Variants in SEMA6D observed in about 807,000 individuals in gnomAD.
SEMA6D encodes semaphorin-6D.
Under a neutral mutation model 106.6 loss-of-function variants are expected in SEMA6D, and 35 were observed. The observed-to-expected ratio is 0.33, with a 90% CI of 0.25 to 0.44. The LOEUF (loss-of-function observed/expected upper bound fraction) is 0.44, where lower values mean the gene tolerates loss of function less well. Among genes scored for constraint, SEMA6D ranks in the 20% least tolerant of loss-of-function variants. SEMA6D has a pLI of 1.00. For synonymous variants in SEMA6D, 499 were observed against 487.7 expected (o/e 1.02, Z -0.31); for missense variants, 1,185 against 1,345.9 (o/e 0.88, Z 1.87).
At chr15:47,241,932 C>G (rs146603367) in intron 1 of SEMA6D, among the ~76,000 whole-genome samples, 17 of 152,152 alleles carry the variant, frequency 1.1e-4, no homozygotes, top group African/African-American at 4.1e-4. Context: ...AGTTTCCTGG[C>G]AGAGTCAGGA....
At chr15:47,470,267 C>G (rs1010504713) in intron 2 of SEMA6D, among the ~76,000 whole-genome samples, 1 of 152,094 alleles carries the variant, frequency 6.6e-6, no homozygotes, top group Non-Finnish European at 1.5e-5. Context: ...TTTTGTCAGG[C>G]CCTGGTCAGC....
At chr15:47,230,360 G>C (rs1038498043) in intron 1 of SEMA6D, among the ~76,000 whole-genome samples, 2 of 151,902 alleles carry the variant, frequency 1.3e-5, no homozygotes, top group African/African-American at 4.8e-5. Flanking sequence ...GATTTCCATG[G>C]TTACATATAA....
chr15:47,758,000 T>C (rs778706986), intron 1 of SEMA6D, among the ~76,000 whole-genome samples: 7 of 152,196 alleles, frequency 4.6e-5, no homozygotes, highest in Non-Finnish European at 1.0e-4. Flanking sequence ...TGTGGTATAA[T>C]TTCATCCATG....
At chr15:47,663,281 G>A (rs188563529) in intron 4 of SEMA6D, among the ~76,000 whole-genome samples, 80 of 152,154 alleles carry the variant, frequency 5.3e-4, no homozygotes, top group Non-Finnish European at 8.7e-4. Flanking sequence ...AAAAGGCTAA[G>A]TGTGTTCAGT....
intron 4 of SEMA6D, among the ~76,000 whole-genome samples, chr15:47,704,099 G>A (rs1259131211): frequency 6.6e-6 from 1 of 152,046 alleles, no homozygotes; most frequent in Admixed American, 6.6e-5. Flanking sequence ...CATGAAATAA[G>A]CTCTTCTATG....
intron 1 of SEMA6D, among the ~76,000 whole-genome samples, chr15:47,202,342 T>A (rs1208486138): frequency 6.6e-6 from 1 of 151,862 alleles, no homozygotes; most frequent in East Asian, 1.9e-4. Context: ...ATCTCAGGAG[T>A]TGGGCGGGTG....
chr15:47,651,439 G>C (rs1230973201), intron 4 of SEMA6D, among the ~76,000 whole-genome samples: 1 of 152,094 alleles, frequency 6.6e-6, no homozygotes, highest in East Asian at 1.9e-4. Context: ...GTTAGTACAG[G>C]CAACATAAAT....
chr15:47,495,667 T>G (rs1038675357), intron 3 of SEMA6D, among the ~76,000 whole-genome samples: 7 of 152,098 alleles, frequency 4.6e-5, no homozygotes, highest in African/African-American at 1.7e-4. Flanking sequence ...GGAACTGTCT[T>G]CTAGCCTGGT....
rs2033309828 is a variant in SEMA6D, at chr15:47,248,252, C to CA, written c.-239+63841dup. Reference sequence around the variant, plus strand: ...ATTCTAAGCTTTATCAACTTAGAAGCAAAAAAATTAAAAACTATTCAGGAA... The same window carrying CA: ...ATTCTAAGCTTTATCAACTTAGAAGCAAAAAAAATTAAAAACTATTCAGGAA... On this transcript the variant is annotated intron_variant, in intron 1 of 19. Transcript: ENST00000558014. 3.3e-5 allele frequency among the ~76,000 whole-genome samples: 5 copies of CA among 151,942 alleles called. No individual in the cohort carries two copies. The South Asian group carries it at 1.0e-3, about 32-fold the overall frequency.
intron 1 of SEMA6D, among the ~76,000 whole-genome samples, chr15:47,356,669 A>G (rs1254229629): frequency 6.6e-6 from 1 of 152,166 alleles, no homozygotes; most frequent in Non-Finnish European, 1.5e-5. Flanking sequence ...AGAACAACTG[A>G]ACAAAGTTTC....
intron 4 of SEMA6D, among the ~76,000 whole-genome samples, chr15:47,623,800 A>G (rs773432842): frequency 6.6e-6 from 1 of 152,328 alleles, no homozygotes; most frequent in Admixed American, 6.5e-5. Flanking sequence ...AGAAGGAAAA[A>G]TAAGACATCC....
At chr15:47,460,034 A>G (rs1319948792) in intron 2 of SEMA6D, among the ~76,000 whole-genome samples, 1 of 152,018 alleles carries the variant, frequency 6.6e-6, no homozygotes, top group African/African-American at 2.4e-5. Flanking sequence ...TCTTACATAC[A>G]AACTTAAAAA....
rs569682860 is a variant in SEMA6D at position 47,266,535 on chromosome 15, C to T, written c.-239+82117C>T. 1.1e-4 allele frequency among the ~76,000 whole-genome samples: 16 copies of T among 152,136 alleles called. No homozygotes were observed. In the East Asian group the frequency reaches 2.3e-3, roughly 22 times the overall value. Reference sequence around the variant, plus strand: ...AACATGGAACCACTGCCTTATAAGCCGTAATGAGGGCAGTTGGGGCCCCAG... The same window carrying T: ...AACATGGAACCACTGCCTTATAAGCTGTAATGAGGGCAGTTGGGGCCCCAG... On this transcript the variant is annotated intron_variant, in intron 1 of 19. Transcript: ENST00000558014.
intron 2 of SEMA6D, among the ~76,000 whole-genome samples, chr15:47,418,715 G>C (rs1307080755): frequency 6.6e-6 from 1 of 152,038 alleles, no homozygotes; most frequent in Non-Finnish European, 1.5e-5. Context: ...GGCATAAGTA[G>C]GTAGACCACT....
At chr15:47,520,414 A>G (rs2044536049) in intron 3 of SEMA6D, among the ~76,000 whole-genome samples, 1 of 152,170 alleles carries the variant, frequency 6.6e-6, no homozygotes, top group Non-Finnish European at 1.5e-5. Flanking sequence ...TCTTCACCAC[A>G]TCGCAATTTC....
rs78656279 is a variant in SEMA6D, at chr15:47,690,905, A to G, written c.-54-68840A>G. Among the ~76,000 whole-genome samples the G allele has an allele frequency of 2.0e-4, 31 of 152,274 alleles. No homozygotes were observed. In the East Asian group the frequency reaches 6.0e-3, roughly 29 times the overall value. On this transcript the variant is annotated intron_variant, in intron 4 of 19. Coordinates refer to the SEMA6D transcript ENST00000558014. ...CCTCATGTTAAGATTGTATATAACCATAGGATAATTTAGTTTCATGTCGCC... is the reference window on the plus strand; with the variant it reads ...CCTCATGTTAAGATTGTATATAACCGTAGGATAATTTAGTTTCATGTCGCC...
chr15:47,461,653 A>G (rs564678544), intron 2 of SEMA6D, among the ~76,000 whole-genome samples: 8 of 152,086 alleles, frequency 5.3e-5, no homozygotes, highest in African/African-American at 1.2e-4. Context: ...GAAAAGCTTC[A>G]TCTTGGAAAT....
chr15:47,517,916 G>A (rs1191104107), intron 3 of SEMA6D, among the ~76,000 whole-genome samples: 2 of 152,128 alleles, frequency 1.3e-5, no homozygotes, highest in Non-Finnish European at 2.9e-5. Flanking sequence ...CCCACAATGA[G>A]TCATTTGGCC....
chr15:47,222,536 T>C (rs547783272), intron 1 of SEMA6D, among the ~76,000 whole-genome samples: 1 of 152,324 alleles, frequency 6.6e-6, no homozygotes, highest in South Asian at 2.1e-4. Flanking sequence ...AAAAGACTTA[T>C]GGGGTATACT....
Sources: allele counts gnomAD v4.1 joint callset (sites outside exome capture counted in the v4.1 genomes callset), GRCh38; gene constraint gnomAD v4.1.1; transcripts MANE v1.5; gene names NCBI Gene and HGNC (gene_info 2026-07-23, HGNC 2026-07-21).